PLCL1: variants seen among roughly 807,000 people sequenced by gnomAD.
PLCL1 encodes the protein phospholipase C like 1 (inactive), also known as inactive phospholipase C-like protein 1.
In PLCL1, 41 loss-of-function variants were observed where a neutral mutation model predicts 84.4. That is an observed-to-expected ratio of 0.49 (90% CI 0.38 to 0.63). The LOEUF is 0.63. PLCL1 is among the 30% of genes least tolerant of loss of function. The pLI, the probability that PLCL1 is intolerant of heterozygous loss-of-function variation, is 0.00. For missense variants in PLCL1, 1,206 were observed against 1,367.8 expected, an observed-to-expected ratio of 0.88 and a Z score of 1.87; for synonymous variants, 490 against 488.3, an observed-to-expected ratio of 1.00 and a Z score of -0.05.
chr2:198,125,262 C>T (rs1475201788), intron 5 of PLCL1, among the ~76,000 whole-genome samples: 1 of 152,044 alleles, frequency 6.6e-6, no homozygotes, highest in African/African-American at 2.4e-5. Context: ...TGGTTTTAAA[C>T]CAAGGACAGA....
At chr2:198,083,721 A>T in intron 1 of PLCL1, 37 bp from the exon 2 acceptor site, 1 of 1,401,188 alleles carries the variant, frequency 7.1e-7, no homozygotes, top group East Asian at 2.3e-5. Flanking sequence ...CTGTTTTCTA[A>T]AGGAAATTGA....
intron 1 of PLCL1, among the ~76,000 whole-genome samples, chr2:197,899,956 G>T (rs958274726): frequency 1.3e-5 from 2 of 152,142 alleles, no homozygotes; most frequent in African/African-American, 4.8e-5. Context: ...TTTCTACCAA[G>T]AATGTTCTTC....
intron 5 of PLCL1, among the ~76,000 whole-genome samples, chr2:198,112,310 AAAC>A (rs1404860060): frequency 1.3e-5 from 2 of 151,858 alleles, no homozygotes; most frequent in Admixed American, 6.6e-5. Flanking sequence ...AAGCAAAGCA[AAAC>A]AACAACAACA....
intron 5 of PLCL1, among the ~76,000 whole-genome samples, chr2:198,133,189 T>C (rs957133535): frequency 2.0e-5 from 3 of 152,044 alleles, no homozygotes; most frequent in South Asian, 2.1e-4. Context: ...TGGAATACTA[T>C]GCAGCCATAA....
intron 1 of PLCL1, among the ~76,000 whole-genome samples, chr2:197,839,473 G>A (rs1031466836): frequency 1.3e-5 from 2 of 152,122 alleles, no homozygotes; most frequent in South Asian, 2.1e-4. Context: ...AATAAGATTC[G>A]AGCTCCTGTG....
At chr2:197,977,380 G>A (rs1690009423) in intron 1 of PLCL1, among the ~76,000 whole-genome samples, 2 of 151,796 alleles carry the variant, frequency 1.3e-5, no homozygotes, top group Admixed American at 6.6e-5. Context: ...ACCAGACTCA[G>A]CAGAAAAATT....
At chr2:197,859,115 TA>T (rs1340129206) in intron 1 of PLCL1, among the ~76,000 whole-genome samples, 1 of 152,184 alleles carries the variant, frequency 6.6e-6, no homozygotes, top group Non-Finnish European at 1.5e-5. Flanking sequence ...AGTCGAAAAG[TA>T]GATTCCATTG....
At chr2:197,842,009 T>C (rs1687014373) in intron 1 of PLCL1, among the ~76,000 whole-genome samples, 1 of 152,192 alleles carries the variant, frequency 6.6e-6, no homozygotes, top group Admixed American at 6.5e-5. Flanking sequence ...TTTTAGCCTA[T>C]GTTTTAAAAA....
chr2:198,103,324 A>C (rs540726553), intron 4 of PLCL1, among the ~76,000 whole-genome samples: 1 of 152,108 alleles, frequency 6.6e-6, no homozygotes, highest in Admixed American at 6.6e-5. Context: ...GGAGGTGTAT[A>C]TATTTTTGGG....
At chr2:197,988,468 C>T (rs1291323102) in intron 1 of PLCL1, among the ~76,000 whole-genome samples, 3 of 152,152 alleles carry the variant, frequency 2.0e-5, no homozygotes, top group African/African-American at 7.2e-5. Flanking sequence ...TGAGAACATA[C>T]AGTATTTGAT....
At chr2:198,064,413 T>A (rs961522971) in intron 1 of PLCL1, among the ~76,000 whole-genome samples, 1 of 152,198 alleles carries the variant, frequency 6.6e-6, no homozygotes, top group South Asian at 2.1e-4. Flanking sequence ...TTCTATCCTG[T>A]CTTAGGCATT....
chr2:197,950,514 G>C (rs906996781), intron 1 of PLCL1, among the ~76,000 whole-genome samples: 4 of 152,054 alleles, frequency 2.6e-5, no homozygotes, highest in African/African-American at 9.7e-5. Flanking sequence ...AAGGAATATG[G>C]TATATCAGGT....
chr2:197,904,038 G>A (rs1461346610), intron 1 of PLCL1, among the ~76,000 whole-genome samples: 3 of 144,826 alleles, frequency 2.1e-5, no homozygotes, highest in African/African-American at 7.7e-5. Context: ...CCTGGCCTTA[G>A]GCGATCTGCC....
At chr2:197,883,019 C>T (rs1687856776) in intron 1 of PLCL1, among the ~76,000 whole-genome samples, 1 of 152,078 alleles carries the variant, frequency 6.6e-6, no homozygotes, top group Non-Finnish European at 1.5e-5. Context: ...AATCAGAAGT[C>T]AGGATAATGG....
chr2:197,815,491 A>G (rs1453369006), intron 1 of PLCL1, among the ~76,000 whole-genome samples: 2 of 152,170 alleles, frequency 1.3e-5, no homozygotes, highest in Non-Finnish European at 2.9e-5. Context: ...TTAACATAAG[A>G]TCCATTCTGC....
At chr2:197,900,868 A>G (rs1688249805) in intron 1 of PLCL1, among the ~76,000 whole-genome samples, 1 of 152,208 alleles carries the variant, frequency 6.6e-6, no homozygotes, top group South Asian at 2.1e-4. Context: ...TTTGGAGTGG[A>G]AGTCCCATTC....
chr2:198,000,356 C>T (rs535643244), intron 1 of PLCL1, among the ~76,000 whole-genome samples: 4 of 152,032 alleles, frequency 2.6e-5, no homozygotes, highest in South Asian at 2.1e-4. Flanking sequence ...TGTGTGATGC[C>T]GAGGTTTGGG....
chr2:198,015,049 C>A (rs1380661727), intron 1 of PLCL1, among the ~76,000 whole-genome samples: 1 of 152,100 alleles, frequency 6.6e-6, no homozygotes, highest in Non-Finnish European at 1.5e-5. Flanking sequence ...TTTTCCTTGA[C>A]ACTTACATGT....
rs895973022 is a variant in PLCL1, at chr2:198,143,897, T to G, written c.3106-2883T>G. 2.6e-3 allele frequency among the ~76,000 whole-genome samples: 22 copies of G among 8,532 alleles called. No individual in the cohort carries two copies. In the Admixed American group the frequency reaches 0.027, roughly 11 times the overall value. The allele number at this position is 8,532 out of a possible 152,430, so 5.6% of individuals were successfully genotyped here. On this transcript the variant is annotated intron_variant, in intron 5 of 5. Coordinates refer to ENST00000428675, the MANE Select transcript of PLCL1 (RefSeq NM_006226.4). ...TTTTATTAGTTAATAGTTTACCTATTTTTTTTTTTTCTTGCCTATATGGTA... is the reference window on the plus strand; with the variant it reads ...TTTTATTAGTTAATAGTTTACCTATGTTTTTTTTTTCTTGCCTATATGGTA...
Sources: gnomAD v4.1 joint callset for allele counts (sites outside exome capture counted in the v4.1 genomes callset) on GRCh38, gnomAD v4.1.1 for gene constraint, MANE v1.5 for transcripts, NCBI Gene and HGNC (gene_info 2026-07-23, HGNC 2026-07-21) for gene names.